GLOD4: variants seen among roughly 807,000 people sequenced by gnomAD.
GLOD4 encodes glyoxalase domain containing 4, also known as glyoxalase domain-containing protein 4.
GLOD4 carries 44 observed loss-of-function variants against 39.1 expected under a neutral mutation model. That is an observed-to-expected ratio of 1.13 (90% CI 0.88 to 1.45). The LOEUF (loss-of-function observed/expected upper bound fraction) is 1.45. Among genes scored for constraint, GLOD4 ranks in the 40% most tolerant of loss-of-function variants. The pLI, the probability that GLOD4 is intolerant of heterozygous loss-of-function variation, is 0.00. For synonymous variants in GLOD4, 145 were observed against 135.0 expected (o/e 1.07, Z -0.52); for missense variants, 405 against 366.4 (o/e 1.11, Z -0.86).
At chr17:770,562 A>AT in intron 5 of GLOD4, 55 bp from the exon 6 acceptor site, 1 of 822,150 alleles carries the variant, frequency 1.2e-6, no homozygotes, top group South Asian at 1.3e-5. Flanking sequence ...CATTACACGT[A>AT]TGTGGTAGAA....
At chr17:761,521 T>C (rs1280117653) in intron 8 of GLOD4, among the ~76,000 whole-genome samples, 1 of 152,210 alleles carries the variant, frequency 6.6e-6, no homozygotes, top group Non-Finnish European at 1.5e-5. Flanking sequence ...TTTTCTTTTT[T>C]GAAATGGAGT....
intron 4 of GLOD4, among the ~76,000 whole-genome samples, chr17:771,921 G>A (rs1429648994): frequency 6.6e-6 from 1 of 151,070 alleles, no homozygotes; most frequent in Admixed American, 6.6e-5. Flanking sequence ...GCTGAGACAG[G>A]AGAATTGCTT....
chr17:784,300 T>C (rs1432817045), upstream of GLOD4, among the ~76,000 whole-genome samples: 1 of 152,254 alleles, frequency 6.6e-6, no homozygotes, highest in Admixed American at 6.5e-5. Context: ...TCTGTGCCTC[T>C]GCACTCAGAG....
chr17:783,475 T>C, upstream of GLOD4: 1 of 733,322 alleles, frequency 1.4e-6, no homozygotes, highest in Non-Finnish European at 2.1e-6. Context: ...TAGCTGGGAT[T>C]ACAGGCGTCT....
At chr17:765,614 G>C (rs1268204961) in intron 8 of GLOD4, among the ~76,000 whole-genome samples, 1 of 150,740 alleles carries the variant, frequency 6.6e-6, no homozygotes, top group African/African-American at 2.4e-5. Context: ...TGGATCACCT[G>C]AGGTCAGGAG....
intron 8 of GLOD4, among the ~76,000 whole-genome samples, chr17:761,217 G>C (rs796993928): frequency 7.2e-5 from 11 of 152,236 alleles, no homozygotes; most frequent in African/African-American, 2.6e-4. Flanking sequence ...ACCTCAGCAG[G>C]AAGTCACAAG....
At chr17:763,618 A>T (rs1429568951) in intron 8 of GLOD4, 2 of 152,190 alleles carry the variant, frequency 1.3e-5, no homozygotes, top group Non-Finnish European at 2.9e-5. Flanking sequence ...TATTTTTAGT[A>T]TAAATAGAGA....
intron 8 of GLOD4, 62 bp from the exon 9 acceptor site, chr17:760,300 C>T (rs1905227096): frequency 3.5e-6 from 3 of 866,362 alleles, no homozygotes; most frequent in Admixed American, 1.7e-5. Flanking sequence ...ACATAGCCCA[C>T]TTTATATCTC....
intron 8 of GLOD4, among the ~76,000 whole-genome samples, chr17:769,186 G>C (rs1907417846): frequency 6.6e-6 from 1 of 152,058 alleles, no homozygotes; most frequent in African/African-American, 2.4e-5. Context: ...GGAACGGATG[G>C]AGGCATCTCC....
Position 776,910 on chromosome 17 carries a change from G to T in GLOD4, c.219C>A (p.Tyr73Ter), listed in dbSNP as rs753328981. 12 of 1,612,086 alleles carry T rather than the reference G, an allele frequency of 7.4e-6. No individual in the cohort carries two copies. The highest frequency in any genetic ancestry group is 1.6e-4 in the Middle Eastern group (1 of 6,062). The change falls in exon 3 of 9, where the codon TAC becomes TAA. Residue 73 changes from tyrosine to a stop codon, truncating the protein, a stop_gained. Transcript: ENST00000301329. LOFTEE classifies it high-confidence loss of function. ...EDDHFVAELT[Y>*]NYGVGDYKLG... ...GCTTGTAGTCTCCGACGCCATAATT[G>T]TAAGTCAGTTCTGCGACAAAATGAT...
intron 8 of GLOD4, among the ~76,000 whole-genome samples, chr17:769,003 T>C (rs1366938825): frequency 2.0e-5 from 3 of 149,632 alleles, no homozygotes; most frequent in African/African-American, 4.9e-5. Flanking sequence ...AGAGGAGATA[T>C]GGGGTCAGTA....
At chr17:783,129 GGGAAGAT>G (rs1910270053), upstream of GLOD4, 1 of 1,614,084 alleles carries the variant, frequency 6.2e-7, no homozygotes, top group Non-Finnish European at 8.5e-7. Flanking sequence ...GGAAAAACAA[GGGAAGAT>G]CCTGCTGGAA....
intron 4 of GLOD4, 137 bp downstream of exon 4, chr17:775,638 A>C (rs1056131104): frequency 5.8e-6 from 4 of 686,190 alleles, no homozygotes; most frequent in African/African-American, 5.4e-5. Context: ...AGTCTCTCCG[A>C]TAACAGGTAA....
At chr17:772,248 C>G (rs150998464) in intron 4 of GLOD4, among the ~76,000 whole-genome samples, 1 of 147,560 alleles carries the variant, frequency 6.8e-6, no homozygotes, top group East Asian at 2.0e-4. Context: ...CAATGGACGG[C>G]GCTAAGAAGA....
At chr17:780,008 C>CA (rs1909616636) in intron 1 of GLOD4, among the ~76,000 whole-genome samples, 1 of 151,866 alleles carries the variant, frequency 6.6e-6, no homozygotes. Context: ...ACTAAAAATA[C>CA]AAAAAATAAG....
chr17:760,924 TACATACATACAGATAC>T (rs1567787151), intron 8 of GLOD4, among the ~76,000 whole-genome samples: 1 of 152,252 alleles, frequency 6.6e-6, no homozygotes, highest in East Asian at 1.9e-4. Flanking sequence ...CCGTCTCATA[TACATACATACAGATAC>T]AAATAAAAAT....
upstream of GLOD4, chr17:783,026 T>G (rs538886061): frequency 5.8e-6 from 9 of 1,554,010 alleles, no homozygotes; most frequent in Non-Finnish European, 7.8e-6. Context: ...ACTAAGCGTG[T>G]CTCAGTAACA....
At chr17:763,949 G>A (rs966824365) in intron 8 of GLOD4, 57 of 152,294 alleles carry the variant, frequency 3.7e-4, no homozygotes, top group African/African-American at 1.3e-3. Flanking sequence ...TGCAAGTGAC[G>A]AAGGAATGAT....
At chr17:783,422 C>A, upstream of GLOD4, 1 of 1,266,964 alleles carries the variant, frequency 7.9e-7, no homozygotes. Flanking sequence ...CTGCAACCTC[C>A]GCCTCTCGGG....
Sources: gnomAD v4.1 joint callset for allele counts (sites outside exome capture counted in the v4.1 genomes callset) on GRCh38, gnomAD v4.1.1 for gene constraint, MANE v1.5 for transcripts, NCBI Gene and HGNC (gene_info 2026-07-23, HGNC 2026-07-21) for gene names.